Variants in SETBP1 observed in about 807,000 individuals in gnomAD.
SETBP1 encodes SET binding protein 1.
A neutral mutation model predicts 101.0 loss-of-function variants in SETBP1; 9 were observed. That is an observed-to-expected ratio of 0.09 (90% CI 0.05 to 0.16). The LOEUF is 0.16. Ranked by LOEUF, SETBP1 falls within the 10% of genes least tolerant of loss-of-function variation. SETBP1 has a pLI of 1.00. For missense variants in SETBP1, 1,858 were observed against 2,033.8 expected, an observed-to-expected ratio of 0.91 and a Z score of 1.66; for synonymous variants, 818 against 788.5, an observed-to-expected ratio of 1.04 and a Z score of -0.63.
intron 4 of SETBP1, among the ~76,000 whole-genome samples, chr18:44,973,683 G>A (rs761179405): frequency 1.3e-5 from 2 of 152,236 alleles, no homozygotes; most frequent in Non-Finnish European, 2.9e-5. Flanking sequence ...CAGAGCAGCA[G>A]TGAGAAGAAA....
At chr18:44,982,020 G>A (rs2072124608) in intron 4 of SETBP1, among the ~76,000 whole-genome samples, 1 of 152,176 alleles carries the variant, frequency 6.6e-6, no homozygotes, top group South Asian at 2.1e-4. Context: ...ATTGTAGGAA[G>A]CATAAAAAAA....
intron 3 of SETBP1, chr18:44,871,469 G>A (rs2069272615): frequency 6.6e-6 from 1 of 152,098 alleles, no homozygotes; most frequent in South Asian, 2.1e-4. Flanking sequence ...CCCCTCCCAG[G>A]GATAACTATC....
At chr18:44,713,289 T>C (rs2069386276) in intron 2 of SETBP1, among the ~76,000 whole-genome samples, 1 of 151,964 alleles carries the variant, frequency 6.6e-6, no homozygotes, top group Non-Finnish European at 1.5e-5. Flanking sequence ...AAACACCCCT[T>C]TCCAACTCCC....
In SETBP1 at chr18:45,063,875, C is replaced by A; in HGVS notation, c.*177C>A. ...GAGCCATCAGGAGCTCTTGGGAAAG[C>A]AAAGCAGGGAGACACCTTCAGAAGA... On this transcript the variant is annotated 3_prime_UTR_variant, in exon 6 of 6. Coordinates refer to ENST00000649279, the MANE Select transcript of SETBP1 (RefSeq NM_015559.3). 1.6e-6 allele frequency: 1 copy of A among 636,340 alleles called. No individual in the cohort carries two copies. The highest frequency in any genetic ancestry group is 2.7e-6 in the Non-Finnish European group (1 of 371,522). The allele number at this position is 636,340 out of a possible 1,614,324, so 39.4% of individuals were successfully genotyped here. A position where few individuals can be genotyped will look rare whatever the true frequency, so the allele number is the denominator to read the frequency against.
At chr18:45,043,328 T>C (rs890941057) in intron 5 of SETBP1, among the ~76,000 whole-genome samples, 5 of 150,810 alleles carry the variant, frequency 3.3e-5, no homozygotes, top group Admixed American at 2.0e-4. Flanking sequence ...CTAGCAATAA[T>C]GGGAAGACAA....
At chr18:44,757,479 A>G (rs1431082186) in intron 2 of SETBP1, among the ~76,000 whole-genome samples, 1 of 152,144 alleles carries the variant, frequency 6.6e-6, no homozygotes, top group Non-Finnish European at 1.5e-5. Context: ...ACACGCATAC[A>G]CTTATATATG....
intron 2 of SETBP1, among the ~76,000 whole-genome samples, chr18:44,840,800 C>T (rs901458556): frequency 6.6e-6 from 1 of 152,210 alleles, no homozygotes; most frequent in African/African-American, 2.4e-5. Context: ...TTAGAATCAC[C>T]TGGAGAGCTT....
intron 2 of SETBP1, among the ~76,000 whole-genome samples, chr18:44,849,228 G>A (rs187194685): frequency 2.0e-5 from 3 of 152,230 alleles, no homozygotes; most frequent in African/African-American, 4.8e-5. Flanking sequence ...GTAGAGCCTT[G>A]TCCGTGTAAT....
chr18:45,052,175 T>C (rs534910434), intron 5 of SETBP1, among the ~76,000 whole-genome samples: 1 of 152,334 alleles, frequency 6.6e-6, no homozygotes, highest in Middle Eastern at 3.4e-3. Context: ...TCCTTGTCCC[T>C]TAGGAAAAAT....
intron 2 of SETBP1, among the ~76,000 whole-genome samples, chr18:44,750,384 C>T (rs1568124573): frequency 6.6e-6 from 1 of 152,132 alleles, no homozygotes; most frequent in Non-Finnish European, 1.5e-5. Context: ...AACACTAACT[C>T]TATTATGAGG....
chr18:44,906,092 T>G (rs929459925), intron 3 of SETBP1, among the ~76,000 whole-genome samples: 8 of 152,178 alleles, frequency 5.3e-5, no homozygotes, highest in African/African-American at 1.7e-4. Flanking sequence ...TCCTCAGTCC[T>G]ATTTTACAGA....
At chr18:45,009,698 G>A (rs2072799912) in intron 4 of SETBP1, among the ~76,000 whole-genome samples, 1 of 152,092 alleles carries the variant, frequency 6.6e-6, no homozygotes, top group Non-Finnish European at 1.5e-5. Context: ...CTATGAAATA[G>A]AAAGAACAAG....
rs1477288675 is a variant in SETBP1 at position 45,063,702 on chromosome 18, G to A, written c.*4G>A. 2 of 1,603,904 alleles carry A rather than the reference G, an allele frequency of 1.2e-6. No homozygotes were observed. Among genetic ancestry groups the A allele is most frequent in the African/African-American group, 1.3e-5 (1 of 74,738 alleles). ...TGAGAGCGAGGTCCTTCCCTAGGGC[G>A]GGTCTGGGCGTCTGCACCTGGGGCC... is the stretch of plus-strand genomic sequence containing the variant. On this transcript the variant is annotated 3_prime_UTR_variant, in exon 6 of 6. Transcript: ENST00000649279.
At chr18:44,680,842 G>C (rs1271103675), upstream of SETBP1, 1 of 149,304 alleles carries the variant, frequency 6.7e-6, no homozygotes, top group Non-Finnish European at 1.5e-5. Flanking sequence ...GAGGGGGAGG[G>C]GGTAAGGAAA....
chr18:44,855,910 C>T (rs1014171030), intron 2 of SETBP1, among the ~76,000 whole-genome samples: 1 of 152,182 alleles, frequency 6.6e-6, no homozygotes, highest in African/African-American at 2.4e-5. Flanking sequence ...ATCAAAGGAT[C>T]AGAGGCTGGC....
chr18:44,686,961 C>G (rs1241375276), intron 1 of SETBP1, among the ~76,000 whole-genome samples: 1 of 152,190 alleles, frequency 6.6e-6, no homozygotes, highest in African/African-American at 2.4e-5. Context: ...ACACATAGCC[C>G]TTGACTTTCT....
intron 2 of SETBP1, among the ~76,000 whole-genome samples, chr18:44,756,085 C>CA (rs2070487590): frequency 6.6e-6 from 1 of 151,938 alleles, no homozygotes; most frequent in Non-Finnish European, 1.5e-5. Flanking sequence ...GCTGTGGTGG[C>CA]ACATGCCTGC....
chr18:44,827,161 C>T (rs2072256590), intron 2 of SETBP1, among the ~76,000 whole-genome samples: 1 of 152,080 alleles, frequency 6.6e-6, no homozygotes, highest in Non-Finnish European at 1.5e-5. Flanking sequence ...AGAAAAGAAA[C>T]TTGTAAAAAA....
intron 2 of SETBP1, among the ~76,000 whole-genome samples, chr18:44,773,409 CA>C (rs2070917429): frequency 6.6e-6 from 1 of 152,106 alleles, no homozygotes; most frequent in African/African-American, 2.4e-5. Flanking sequence ...CACAGACAAG[CA>C]CAAGGAAAGC....
Sources: allele counts gnomAD v4.1 joint callset (sites outside exome capture counted in the v4.1 genomes callset), GRCh38; gene constraint gnomAD v4.1.1; transcripts MANE v1.5; gene names NCBI Gene and HGNC (gene_info 2026-07-23, HGNC 2026-07-21).